Variants in SLC9A8 observed in about 807,000 individuals in gnomAD.
The protein encoded by SLC9A8 is solute carrier family 9 member A8.
Under a neutral mutation model 66.6 loss-of-function variants are expected in SLC9A8, and 48 were observed. The ratio of observed to expected loss-of-function variants is 0.72; its 90% CI spans 0.57 to 0.92. The LOEUF (loss-of-function observed/expected upper bound fraction) is 0.92. SLC9A8 is among the 40% of genes least tolerant of loss of function. The probability of loss-of-function intolerance (pLI) is 0.00; values close to 1 mark genes in which losing one functional copy is unlikely to be tolerated. For missense variants in SLC9A8, 599 were observed against 747.3 expected (o/e 0.80, Z 2.31); for synonymous variants, 274 against 282.6 (o/e 0.97, Z 0.31).
intron 3 of SLC9A8, among the ~76,000 whole-genome samples, chr20:49,834,181 CTCTCTATATATATATATATA>C (rs1438298685): frequency 6.5e-5 from 3 of 46,144 alleles, no homozygotes; most frequent in African/African-American, 2.9e-4. Flanking sequence ...CTCTCTCTCT[CTCTCTATATATATATATATA>C]TATATATATA....
At chr20:49,884,545 G>A (rs1422873592) in intron 14 of SLC9A8, among the ~76,000 whole-genome samples, 1 of 152,110 alleles carries the variant, frequency 6.6e-6, no homozygotes, top group Non-Finnish European at 1.5e-5. Flanking sequence ...CCTGCCAGCA[G>A]CTGAGACACC....
At chr20:49,816,442 CA>C (rs2086552203) in intron 2 of SLC9A8, among the ~76,000 whole-genome samples, 1 of 151,332 alleles carries the variant, frequency 6.6e-6, no homozygotes. Flanking sequence ...CAAAAAAAAC[CA>C]AAAAACTAAT....
rs752517197 is a variant in SLC9A8 at position 49,880,920 on chromosome 20, A to G, written c.1159-4A>G. On this transcript the variant is annotated splice_region_variant and splice_polypyrimidine_tract_variant and intron_variant, in intron 12 of 15. Transcript: ENST00000361573. ...CCTAAGACTTAGTTTGTTGCTATCA[A>G]CAGGTGCTTGTACTATTTGGCAGAG... 3.1e-6 allele frequency: 5 copies of G among 1,600,430 alleles called. No homozygotes were observed. Among genetic ancestry groups the G allele is most frequent in the South Asian group, 1.1e-5 (1 of 90,780 alleles).
At chr20:49,845,149 G>C (rs1298467651) in intron 5 of SLC9A8, 30 bp downstream of exon 5, 2 of 1,502,064 alleles carry the variant, frequency 1.3e-6, no homozygotes, top group East Asian at 2.3e-5. Flanking sequence ...TGGTGCTTTG[G>C]TCTGGACAGT....
chr20:49,819,553 A>G (rs1471080297), intron 2 of SLC9A8, among the ~76,000 whole-genome samples: 1 of 152,058 alleles, frequency 6.6e-6, no homozygotes, highest in Non-Finnish European at 1.5e-5. Flanking sequence ...TAGTAAATAC[A>G]TAACATACAT....
chr20:49,839,541 G>T lies in SLC9A8; in HGVS notation c.290G>T (p.Gly97Val). The change falls in exon 4 of 16, where the codon GGT becomes GTT. Residue 97 changes from glycine to valine, a missense_variant and splice_region_variant. Around this residue, in one of 2 missense-constraint regions of SLC9A8, gnomAD observed 132 missense variants for 120.9 expected, o/e 1.09. Coordinates refer to ENST00000361573, the MANE Select transcript of SLC9A8 (RefSeq NM_015266.3). ...LPESVAVVSL[G>V]ILMGAVIKII... ...TTAAAGTTTACATTTTCTCTTGTAGGTATTCTCATGGGAGCAGTTATAAAA... is the reference window on the plus strand; with the variant it reads ...TTAAAGTTTACATTTTCTCTTGTAGTTATTCTCATGGGAGCAGTTATAAAA... 1 of 1,538,852 alleles carries T rather than the reference G, an allele frequency of 6.5e-7. No individual in the cohort carries two copies. Among genetic ancestry groups the T allele is most frequent in the Non-Finnish European group, 9.0e-7 (1 of 1,116,772 alleles).
At chr20:49,870,701 TATTTTA>T (rs1024313930) in intron 10 of SLC9A8, among the ~76,000 whole-genome samples, 7 of 152,188 alleles carry the variant, frequency 4.6e-5, no homozygotes, top group Admixed American at 4.6e-4. Flanking sequence ...AGTTTTATTT[TATTTTA>T]ATTTTATTTT....
In SLC9A8 at chr20:49,834,165, CTCTCTCTCTCTCTCTCTCTCTATA is replaced by C. The variant is rs1183307309; in HGVS notation, c.290-5374_290-5351del. Among the ~76,000 whole-genome samples, 71 of 56,654 alleles carry C rather than the reference CTCTCTCTCTCTCTCTCTCTCTATA, an allele frequency of 1.3e-3. 1 individual carries two copies. The highest frequency in any genetic ancestry group is 2.2e-3 in the Non-Finnish European group (61 of 27,446). 37.2% of individuals were successfully genotyped at this position (56,654 alleles called of 152,430 possible). On this transcript the variant is annotated intron_variant, in intron 3 of 15. Coordinates refer to ENST00000361573, the MANE Select transcript of SLC9A8 (RefSeq NM_015266.3). ...TCTCTCTCTCTCTCTCTCTCTCTCT[CTCTCTCTCTCTCTCTCTCTCTATA>C]TATATATATATATATATATATATAT...
intron 3 of SLC9A8, among the ~76,000 whole-genome samples, chr20:49,834,139 GTCTCTCTC>G (rs71335517): frequency 0.011 from 695 of 65,292 alleles, 15 homozygotes; most frequent in African/African-American, 0.031. Flanking sequence ...ATATTAGCTT[GTCTCTCTC>G]TCTCTCTCTC....
chr20:49,841,377 T>A (rs1460844166), intron 4 of SLC9A8, among the ~76,000 whole-genome samples: 1 of 142,992 alleles, frequency 7.0e-6, no homozygotes, highest in Non-Finnish European at 1.5e-5. Flanking sequence ...AGAGTCAGAG[T>A]GAGAAGTAGG....
At chr20:49,852,319 G>A (rs112977715) in intron 7 of SLC9A8, among the ~76,000 whole-genome samples, 8 of 152,308 alleles carry the variant, frequency 5.3e-5, no homozygotes, top group African/African-American at 1.9e-4. Flanking sequence ...TCAAAAAGAT[G>A]CTGGGTTTCT....
At chr20:49,877,746 T>C (rs973058897) in intron 11 of SLC9A8, among the ~76,000 whole-genome samples, 2 of 152,218 alleles carry the variant, frequency 1.3e-5, no homozygotes, top group African/African-American at 4.8e-5. Context: ...TATTTGACAG[T>C]TGACTCATTA....
intron 3 of SLC9A8, among the ~76,000 whole-genome samples, chr20:49,834,784 A>G (rs994782087): frequency 5.9e-5 from 9 of 152,252 alleles, no homozygotes; most frequent in African/African-American, 1.9e-4. Flanking sequence ...TTCATGTGTG[A>G]TTATAAACGA....
chr20:49,814,082 T>G (rs1016969321), intron 1 of SLC9A8, among the ~76,000 whole-genome samples: 4 of 152,160 alleles, frequency 2.6e-5, no homozygotes, highest in African/African-American at 9.7e-5. Context: ...CTTGGCCATG[T>G]GGGGGTCATT....
At chr20:49,880,647 C>G (rs921734917) in intron 12 of SLC9A8, among the ~76,000 whole-genome samples, 17 of 152,182 alleles carry the variant, frequency 1.1e-4, no homozygotes, top group African/African-American at 3.9e-4. Context: ...ATTACTAAAG[C>G]CCTTCCTGAT....
At chr20:49,832,589 C>T (rs1460369877) in intron 3 of SLC9A8, among the ~76,000 whole-genome samples, 2 of 152,196 alleles carry the variant, frequency 1.3e-5, no homozygotes, top group Non-Finnish European at 2.9e-5. Context: ...GGGGCAGGGT[C>T]CTTCCCCTCT....
At chr20:49,861,763 C>G (rs191842776) in intron 8 of SLC9A8, among the ~76,000 whole-genome samples, 87 of 152,164 alleles carry the variant, frequency 5.7e-4, no homozygotes, top group African/African-American at 2.0e-3. Flanking sequence ...AGGACAAAAC[C>G]AACAATTGAA....
chr20:49,877,894 C>T (rs1281473944), intron 11 of SLC9A8, 87 bp from the exon 12 acceptor site: 1 of 853,554 alleles, frequency 1.2e-6, no homozygotes, highest in Non-Finnish European at 1.8e-6. Flanking sequence ...TGGATTCTGA[C>T]TGTGAATGTT....
At chr20:49,884,864 G>A (rs1269683242) in intron 14 of SLC9A8, among the ~76,000 whole-genome samples, 2 of 152,206 alleles carry the variant, frequency 1.3e-5, no homozygotes, top group East Asian at 1.9e-4. Flanking sequence ...CCCTCTGACC[G>A]AAGCAGAGGC....
Sources: gnomAD v4.1 joint callset for allele counts (sites outside exome capture counted in the v4.1 genomes callset) on GRCh38, gnomAD v4.1.1 for gene constraint, gnomAD v4.1.1 regional missense constraint, MANE v1.5 for transcripts, NCBI Gene and HGNC (gene_info 2026-07-23, HGNC 2026-07-21) for gene names.